TBC1D22A: variants seen among roughly 807,000 people sequenced by gnomAD.
TBC1D22A encodes putative GTPase activator.
A neutral mutation model predicts 60.2 loss-of-function variants in TBC1D22A; 38 were observed. The observed-to-expected ratio is 0.63, with a 90% confidence interval of 0.49 to 0.83. The LOEUF is 0.83. TBC1D22A is among the 40% of genes least tolerant of loss of function. TBC1D22A has a pLI of 0.00. For synonymous variants in TBC1D22A, 302 were observed against 281.7 expected (o/e 1.07, Z -0.72); for missense variants, 628 against 701.0 (o/e 0.90, Z 1.18).
chr22:47,035,150 T>A (rs1310419039), intron 10 of TBC1D22A, among the ~76,000 whole-genome samples: 1 of 152,190 alleles, frequency 6.6e-6, no homozygotes, highest in African/African-American at 2.4e-5. Flanking sequence ...GTATCTGAGG[T>A]GAGCAGATGC....
At chr22:47,107,592 C>T (rs1241202991) in intron 11 of TBC1D22A, among the ~76,000 whole-genome samples, 1 of 152,116 alleles carries the variant, frequency 6.6e-6, no homozygotes, top group Admixed American at 6.5e-5. Context: ...TCTGATTAAA[C>T]GAAGAGCTAT....
intron 4 of TBC1D22A, among the ~76,000 whole-genome samples, chr22:46,799,190 G>A (rs1052289382): frequency 2.0e-5 from 3 of 152,142 alleles, no homozygotes; most frequent in Non-Finnish European, 4.4e-5. Context: ...TGCATCTGTT[G>A]TTTTAAACGT....
At chr22:46,904,167 C>G (rs2069269906) in intron 7 of TBC1D22A, among the ~76,000 whole-genome samples, 3 of 151,182 alleles carry the variant, frequency 2.0e-5, no homozygotes, top group Admixed American at 2.0e-4. Context: ...ACCTACCTAC[C>G]TACCTACCAG....
chr22:47,040,739 G>A (rs1407950821), intron 11 of TBC1D22A, among the ~76,000 whole-genome samples: 2 of 152,144 alleles, frequency 1.3e-5, no homozygotes, highest in Non-Finnish European at 2.9e-5. Flanking sequence ...GGGGTAGGCC[G>A]TGGAATGAAA....
intron 4 of TBC1D22A, among the ~76,000 whole-genome samples, chr22:46,865,743 A>G (rs2067021612): frequency 6.6e-6 from 1 of 152,112 alleles, no homozygotes; most frequent in Non-Finnish European, 1.5e-5. Flanking sequence ...ATGCCCCCCC[A>G]TGGGGGAGGC....
intron 11 of TBC1D22A, among the ~76,000 whole-genome samples, chr22:47,060,691 C>G (rs1312490996): frequency 6.6e-6 from 1 of 152,170 alleles, no homozygotes; most frequent in Admixed American, 6.5e-5. Context: ...CTCTGACTTT[C>G]TTTTTGGGAG....
At position 47,144,868 on chromosome 22, in the gene TBC1D22A, C is replaced by G. The variant is rs531707992; in HGVS notation, c.1426-28630C>G. On this transcript the variant is annotated intron_variant, in intron 12 of 12. Coordinates refer to ENST00000337137, the MANE Select transcript of TBC1D22A (RefSeq NM_014346.5). ...GGACTGGGTGCAGCCCGTGAAGGTGCCTGCTGGCTGAGATCCTGGGACTGG... is the reference window on the plus strand; with the variant it reads ...GGACTGGGTGCAGCCCGTGAAGGTGGCTGCTGGCTGAGATCCTGGGACTGG... Among the ~76,000 whole-genome samples, 137 of 145,016 alleles carry G rather than the reference C, an allele frequency of 9.4e-4. 1 individual carries two copies. The highest frequency in any genetic ancestry group is 1.4e-3 in the Admixed American group (20 of 14,506).
chr22:47,129,530 G>A (rs879603399), intron 12 of TBC1D22A, among the ~76,000 whole-genome samples: 3 of 152,198 alleles, frequency 2.0e-5, no homozygotes, highest in East Asian at 3.9e-4. Flanking sequence ...TTTGAGTTTC[G>A]TGGCACTCAC....
rs2147811881 is a variant in TBC1D22A, at chr22:46,916,466, T to G, written c.1015+4278T>G. 1.3e-5 allele frequency among the ~76,000 whole-genome samples: 2 copies of G among 152,358 alleles called. 1 individual carries two copies. Among genetic ancestry groups the G allele is most frequent in the South Asian group, 4.1e-4 (2 of 4,828 alleles). ...GAGAAGGGCAGTTTGGTCCTGCTGT[T>G]GATGGATGCAGAGTCTGTAAATGCA... On this transcript the variant is annotated intron_variant, in intron 8 of 12. Coordinates refer to ENST00000337137, the MANE Select transcript of TBC1D22A (RefSeq NM_014346.5).
rs190312387 is a variant in TBC1D22A, at chr22:46,821,459, C to G, written c.637+23839C>G. 2.0e-5 allele frequency among the ~76,000 whole-genome samples: 3 copies of G among 152,272 alleles called. No individual in the cohort carries two copies. In the East Asian group the frequency reaches 5.8e-4, roughly 29 times the overall value. On this transcript the variant is annotated intron_variant, in intron 4 of 12. Coordinates refer to ENST00000337137, the MANE Select transcript of TBC1D22A (RefSeq NM_014346.5). The stretch of plus-strand genomic sequence containing the variant: ...AGTTTATCTGGTGGTAACAAAATCC[C>G]TCAGCATTTGCTTGTGTGGAAAGGA...
At chr22:47,022,551 C>CA (rs35629335) in intron 10 of TBC1D22A, among the ~76,000 whole-genome samples, 3,312 of 132,804 alleles carry the variant, frequency 0.025, 107 homozygotes, top group African/African-American at 0.088. Context: ...GACTCTGTCT[C>CA]AAAAAAAAAA....
chr22:46,788,754 A>G (rs985235133), intron 1 of TBC1D22A, among the ~76,000 whole-genome samples: 1 of 152,230 alleles, frequency 6.6e-6, no homozygotes, highest in Non-Finnish European at 1.5e-5. Context: ...TTTCATCTGG[A>G]TGCTGACTTT....
chr22:46,768,354 A>T (rs145379582), intron 1 of TBC1D22A, among the ~76,000 whole-genome samples: 231 of 151,856 alleles, frequency 1.5e-3, no homozygotes, highest in Middle Eastern at 3.4e-3. Flanking sequence ...GCGTGGTGGC[A>T]GGCGCCTGTA....
chr22:47,062,004 C>A lies in TBC1D22A; in HGVS notation c.1329+24806C>A, dbSNP rs542810761. On this transcript the variant is annotated intron_variant, in intron 11 of 12. Coordinates refer to ENST00000337137, the MANE Select transcript of TBC1D22A (RefSeq NM_014346.5). ...TCCGGAGGCTGAGGCAGGAGGATTG[C>A]TTGAACCTGGGAGGCAGAGGTTGCA... 2.8e-5 allele frequency among the ~76,000 whole-genome samples: 4 copies of A among 145,080 alleles called. No individual in the cohort carries two copies. The South Asian group carries it at 8.9e-4, about 32-fold the overall frequency.
intron 11 of TBC1D22A, among the ~76,000 whole-genome samples, chr22:47,072,908 A>G (rs545057752): frequency 6.6e-6 from 1 of 152,352 alleles, no homozygotes; most frequent in East Asian, 1.9e-4. Flanking sequence ...GCTGCAGACA[A>G]GGGAGGGTGA....
chr22:46,840,746 A>AAC (rs1555909190), intron 4 of TBC1D22A, among the ~76,000 whole-genome samples: 1 of 152,146 alleles, frequency 6.6e-6, no homozygotes, highest in East Asian at 1.9e-4. Flanking sequence ...AAAAAAAAAA[A>AAC]AGACAAATGA....
At chr22:46,848,466 C>G (rs936213359) in intron 4 of TBC1D22A, among the ~76,000 whole-genome samples, 2 of 152,162 alleles carry the variant, frequency 1.3e-5, no homozygotes, top group Admixed American at 6.5e-5. Context: ...GATGCCTCAT[C>G]GAGGCTCTGA....
At chr22:46,765,895 T>G (rs1477436924) in intron 1 of TBC1D22A, among the ~76,000 whole-genome samples, 4 of 150,520 alleles carry the variant, frequency 2.7e-5, no homozygotes, top group African/African-American at 9.8e-5. Flanking sequence ...GAAGCAGTTC[T>G]CCTGCCTCAG....
chr22:46,763,742 A>C (rs2083191409), intron 1 of TBC1D22A: 1 of 152,128 alleles, frequency 6.6e-6, no homozygotes, highest in Admixed American at 6.5e-5. Context: ...TTTCATAATA[A>C]ATATTATTGT....
Sources: gnomAD v4.1 joint callset for allele counts (sites outside exome capture counted in the v4.1 genomes callset) on GRCh38, gnomAD v4.1.1 for gene constraint, MANE v1.5 for transcripts, NCBI Gene and HGNC (gene_info 2026-07-23, HGNC 2026-07-21) for gene names.